ELAVL3: variants seen among roughly 807,000 people sequenced by gnomAD.
The protein encoded by ELAVL3 is ELAV like RNA binding protein 3.
A neutral mutation model predicts 34.2 loss-of-function variants in ELAVL3; 8 were observed. That is an observed-to-expected ratio of 0.23 (90% CI 0.14 to 0.42). The LOEUF (loss-of-function observed/expected upper bound fraction) is 0.42. Among genes scored for constraint, ELAVL3 ranks in the 10% least tolerant of loss-of-function variants. The probability of loss-of-function intolerance (pLI) is 1.00; values close to 1 mark genes in which losing one functional copy is unlikely to be tolerated. For missense variants in ELAVL3, 273 were observed against 518.8 expected (o/e 0.53, Z 4.60); for synonymous variants, 209 against 222.1 (o/e 0.94, Z 0.53).
Position 11,464,135 on chromosome 19 carries a change from C to CTG in ELAVL3, c.333+2036_333+2037insCA, listed in dbSNP as rs1362153921. On this transcript the variant is annotated intron_variant, in intron 3 of 6. Coordinates refer to ENST00000359227, the MANE Select transcript of ELAVL3 (RefSeq NM_001420.4). ...TCTGTCTCTCTCTGTCTCTCTCTCT[C>CTG]TCTCTCTCTCTCTCTCTATATATAT... 8.0e-3 allele frequency among the ~76,000 whole-genome samples: 866 copies of CTG among 108,570 alleles called. 5 individuals carry two copies. The highest frequency in any genetic ancestry group is 0.024 in the South Asian group (84 of 3,506). The allele number at this position is 108,570 out of a possible 152,430, so 71.2% of individuals were successfully genotyped here.
At chr19:11,479,044 AC>A (rs1483695186) in intron 1 of ELAVL3, among the ~76,000 whole-genome samples, 1 of 151,828 alleles carries the variant, frequency 6.6e-6, no homozygotes. Flanking sequence ...TCACTGGAGA[AC>A]CTAGGTCCTC....
intron 1 of ELAVL3, among the ~76,000 whole-genome samples, chr19:11,474,546 C>T (rs1971228340): frequency 6.6e-6 from 1 of 151,954 alleles, no homozygotes; most frequent in African/African-American, 2.4e-5. Context: ...TGAGACTGTG[C>T]CATTGCACTC....
chr19:11,466,865 C>T lies in ELAVL3; in HGVS notation c.10-38G>A, dbSNP rs540694106. 7.4e-5 allele frequency: 114 copies of T among 1,539,076 alleles called. 2 individuals are homozygous for T. In the South Asian group the frequency reaches 1.2e-3, roughly 16 times the overall value. ...GGTCGCATCCGCTCACCGCCCAGTC[C>T]CCACACCAGGGGCCTGCGGCAATGA... On this transcript the variant is annotated intron_variant, in intron 1 of 6. Transcript: ENST00000359227. This position sits in a 1 kb window ranked among gnomAD's most constrained non-coding sequence, Gnocchi z 5.0.
chr19:11,479,845 G>A (rs1227268788), intron 1 of ELAVL3, among the ~76,000 whole-genome samples: 1 of 151,718 alleles, frequency 6.6e-6, no homozygotes, highest in East Asian at 1.9e-4. Context: ...GAGGTGGGGA[G>A]CCTGGACCTG....
intron 3 of ELAVL3, among the ~76,000 whole-genome samples, chr19:11,465,559 C>T (rs897828087): frequency 7.5e-5 from 11 of 146,130 alleles, no homozygotes; most frequent in African/African-American, 2.8e-4. Flanking sequence ...CACCTCTGTT[C>T]CCATGTTGAA....
At chr19:11,469,790 A>G (rs1034288794) in intron 1 of ELAVL3, among the ~76,000 whole-genome samples, 3 of 152,128 alleles carry the variant, frequency 2.0e-5, no homozygotes, top group African/African-American at 7.2e-5. Context: ...GGGTACAGTG[A>G]CTTACGCCTG....
chr19:11,462,141 C>G (rs1599534684), intron 3 of ELAVL3, among the ~76,000 whole-genome samples: 1 of 143,690 alleles, frequency 7.0e-6, no homozygotes, highest in Non-Finnish European at 1.5e-5. Flanking sequence ...CGCCACTGCA[C>G]TCCAGCCTGG....
At chr19:11,464,956 CA>C (rs1971000498) in intron 3 of ELAVL3, among the ~76,000 whole-genome samples, 1 of 125,020 alleles carries the variant, frequency 8.0e-6, no homozygotes, top group African/African-American at 3.3e-5. Context: ...ACACACCACA[CA>C]CACGCACCAG....
intron 1 of ELAVL3, among the ~76,000 whole-genome samples, chr19:11,478,383 GA>G (rs1971302985): frequency 6.6e-6 from 1 of 152,176 alleles, no homozygotes; most frequent in African/African-American, 2.4e-5. Context: ...CGGCTGAGCT[GA>G]TAATGGGGAT....
At chr19:11,455,716 A>G (rs1244698666) in intron 6 of ELAVL3, among the ~76,000 whole-genome samples, 1 of 152,136 alleles carries the variant, frequency 6.6e-6, no homozygotes, top group Non-Finnish European at 1.5e-5. Flanking sequence ...TACAGGTGTG[A>G]GCCACTGCAC....
chr19:11,465,292 C>CA (rs1971024359), intron 3 of ELAVL3, among the ~76,000 whole-genome samples: 8 of 121,394 alleles, frequency 6.6e-5, no homozygotes, highest in African/African-American at 2.9e-4. Context: ...CACACACACA[C>CA]CACACACACA....
rs1384965892 is a variant in ELAVL3, at chr19:11,480,498, G to A, written c.9+102C>T. 1.5e-6 allele frequency: 2 copies of A among 1,306,040 alleles called. No individual in the cohort carries two copies. Among genetic ancestry groups the A allele is most frequent in the African/African-American group, 3.1e-5 (2 of 64,184 alleles). The allele number at this position is 1,306,040 out of a possible 1,614,324, so 80.9% of individuals were successfully genotyped here. On this transcript the variant is annotated intron_variant, in intron 1 of 6. Coordinates refer to ENST00000359227, the MANE Select transcript of ELAVL3 (RefSeq NM_001420.4). This position sits in a 1 kb window ranked among gnomAD's most constrained non-coding sequence, Gnocchi z 6.8. ...TACCCCCCCAACCCGGGCCTAGCTA[G>A]GCCTGGTCCTACCCCCCCCGCCGCA...
chr19:11,480,069 C>T lies in ELAVL3; in HGVS notation c.9+531G>A, dbSNP rs1971344718. ...GGCCCGCGGGGCCTCCGGGCGCGCC[C>T]CCTCCTCTCCCCTCCCCGCTTGCCG... On this transcript the variant is annotated intron_variant, in intron 1 of 6. Transcript: ENST00000359227. The surrounding 1 kb of genome is among the most constrained non-coding windows in gnomAD (Gnocchi z 6.8). Among the ~76,000 whole-genome samples, 1 of 151,834 alleles carries T rather than the reference C, an allele frequency of 6.6e-6. No homozygotes were observed. The highest frequency in any genetic ancestry group is 1.5e-5 in the Non-Finnish European group (1 of 67,876).
intron 1 of ELAVL3, among the ~76,000 whole-genome samples, chr19:11,472,297 G>A (rs2144907864): frequency 6.6e-6 from 1 of 152,308 alleles, no homozygotes; most frequent in South Asian, 2.1e-4. Context: ...AGTGAGCCAA[G>A]ATCGCACCAC....
rs551750395 is a variant in ELAVL3 at position 11,456,332 on chromosome 19, C to T, written c.752+778G>A. On this transcript the variant is annotated intron_variant, in intron 6 of 6. Coordinates refer to ENST00000359227, the MANE Select transcript of ELAVL3 (RefSeq NM_001420.4). Reference sequence around the variant, plus strand: ...TCTTGGCCAGGCTGGTCTTGGACTCCTGACCTCGTGATCCGCCTGCCTCGG... The same window carrying T: ...TCTTGGCCAGGCTGGTCTTGGACTCTTGACCTCGTGATCCGCCTGCCTCGG... Among the ~76,000 whole-genome samples the T allele has an allele frequency of 5.3e-5, 8 of 151,964 alleles. No individual in the cohort carries two copies. The South Asian group carries it at 1.7e-3, about 32-fold the overall frequency.
At chr19:11,462,282 TG>T (rs962784278) in intron 3 of ELAVL3, among the ~76,000 whole-genome samples, 1 of 150,604 alleles carries the variant, frequency 6.6e-6, no homozygotes, top group African/African-American at 2.5e-5. Context: ...TTTGTGCACC[TG>T]GGGTTCTCCA....
At chr19:11,457,210 G>C (rs555350420) in intron 5 of ELAVL3, 62 bp from the exon 6 acceptor site, 14 of 1,494,522 alleles carry the variant, frequency 9.4e-6, no homozygotes, top group South Asian at 1.3e-5. Flanking sequence ...CTGTGACACC[G>C]TCGGCCTGCC....
intron 6 of ELAVL3, among the ~76,000 whole-genome samples, chr19:11,455,805 A>G (rs991600071): frequency 6.6e-6 from 1 of 152,170 alleles, no homozygotes; most frequent in African/African-American, 2.4e-5. Context: ...GCCCCTGAAC[A>G]ACACCTAGTA....
Position 11,480,481 on chromosome 19 carries a change from C to A in ELAVL3, c.9+119G>T, listed in dbSNP as rs1361124791. 13 of 1,221,764 alleles carry A rather than the reference C, an allele frequency of 1.1e-5. No individual in the cohort carries two copies. The highest frequency in any genetic ancestry group is 3.0e-4 in the Middle Eastern group (1 of 3,294). 75.7% of individuals were successfully genotyped at this position (1,221,764 alleles called of 1,614,324 possible). On this transcript the variant is annotated intron_variant, in intron 1 of 6. Transcript: ENST00000359227. This position sits in a 1 kb window ranked among gnomAD's most constrained non-coding sequence, Gnocchi z 6.8. ...GCCCCGAGGCTTGGTCCTACCCCCCCAACCCGGGCCTAGCTAGGCCTGGTC... is the reference window on the plus strand; with the variant it reads ...GCCCCGAGGCTTGGTCCTACCCCCCAAACCCGGGCCTAGCTAGGCCTGGTC...
Sources: gnomAD v4.1 joint callset for allele counts (sites outside exome capture counted in the v4.1 genomes callset) on GRCh38, gnomAD v4.1.1 for gene constraint, Gnocchi (gnomAD v3.1) non-coding constraint, MANE v1.5 for transcripts, NCBI Gene and HGNC (gene_info 2026-07-23, HGNC 2026-07-21) for gene names.